The following TOX3 variants were observed in gnomAD, a reference collection of about 807,000 sequenced individuals.
TOX3 encodes the protein TOX high mobility group box family member 3.
A neutral mutation model predicts 64.3 loss-of-function variants in TOX3; 22 were observed. The ratio of observed to expected loss-of-function variants is 0.34; its 90% CI spans 0.24 to 0.49. The LOEUF (loss-of-function observed/expected upper bound fraction) is 0.49, where lower values mean the gene tolerates loss of function less well. Among genes scored for constraint, TOX3 ranks in the 20% least tolerant of loss-of-function variants. The pLI is 0.99. For missense variants in TOX3, 661 were observed against 714.4 expected (o/e 0.93, Z 0.85); for synonymous variants, 291 against 273.6 (o/e 1.06, Z -0.63).
At chr16:52,508,845 T>C (rs1372357561) in intron 1 of TOX3, among the ~76,000 whole-genome samples, 1 of 152,140 alleles carries the variant, frequency 6.6e-6, no homozygotes, top group East Asian at 1.9e-4. Context: ...AATTCACATG[T>C]ATAGCTATAT....
At chr16:52,480,776 A>G (rs775396415) in intron 1 of TOX3, among the ~76,000 whole-genome samples, 43 of 152,240 alleles carry the variant, frequency 2.8e-4, no homozygotes, top group African/African-American at 6.8e-4. Flanking sequence ...ATGCTCTTAA[A>G]CCATAATCAT....
In TOX3 at chr16:52,438,976, TA is replaced by T. The variant is rs767195188; in HGVS notation, c.*248del. ...ATATTGTAGGTATAGCCTGAATAAA[TA>T]AAAAAGGCATCACATAAAAGAGCAC... On this transcript the variant is annotated 3_prime_UTR_variant, in exon 7 of 7. Transcript: ENST00000219746. The T allele has an allele frequency of 6.0e-6, 4 of 664,304 alleles. No homozygotes were observed. Among genetic ancestry groups the T allele is most frequent in the Non-Finnish European group, 1.1e-5 (4 of 357,396 alleles). The allele number at this position is 664,304 out of a possible 1,614,324, so 41.2% of individuals were successfully genotyped here. A position where few individuals can be genotyped will look rare whatever the true frequency, so the allele number is the denominator to read the frequency against.
intron 1 of TOX3, among the ~76,000 whole-genome samples, chr16:52,487,274 A>G (rs897239973): frequency 6.6e-6 from 1 of 151,192 alleles, no homozygotes; most frequent in African/African-American, 2.4e-5. Context: ...AATCCTCTCC[A>G]TAACAACCAC....
intron 5 of TOX3, 142 bp from the exon 6 acceptor site, chr16:52,444,498 T>C (rs1301782187): frequency 1.2e-5 from 4 of 324,900 alleles, no homozygotes; most frequent in Non-Finnish European, 1.1e-5. Flanking sequence ...TGTTAGCGCA[T>C]GCACACACAC....
At chr16:52,455,638 A>C (rs1381393628) in intron 3 of TOX3, among the ~76,000 whole-genome samples, 2 of 152,158 alleles carry the variant, frequency 1.3e-5, no homozygotes, top group Admixed American at 6.5e-5. Context: ...GCTACATTTG[A>C]TTGGGTCAAT....
At chr16:52,453,120 C>A (rs1960404834) in intron 3 of TOX3, among the ~76,000 whole-genome samples, 1 of 152,108 alleles carries the variant, frequency 6.6e-6, no homozygotes, top group Non-Finnish European at 1.5e-5. Context: ...CTTCCACCCC[C>A]ACACTACTGG....
chr16:52,494,240 C>T (rs1010749206), intron 1 of TOX3, among the ~76,000 whole-genome samples: 2 of 152,172 alleles, frequency 1.3e-5, no homozygotes, highest in Admixed American at 1.3e-4. Flanking sequence ...CAATTTAGCT[C>T]TTACTAGTGC....
intron 1 of TOX3, among the ~76,000 whole-genome samples, chr16:52,475,253 A>G (rs1961174212): frequency 6.6e-6 from 1 of 152,202 alleles, no homozygotes; most frequent in South Asian, 2.1e-4. Flanking sequence ...CAGTAAGAAG[A>G]AGAGTGTTTG....
chr16:52,523,432 C>A (rs1358120012), intron 1 of TOX3, among the ~76,000 whole-genome samples: 4 of 152,088 alleles, frequency 2.6e-5, no homozygotes, highest in Admixed American at 2.6e-4. Flanking sequence ...GTCACAGGGA[C>A]CTAGCTTACT....
At chr16:52,510,759 C>CAAAAAAAAAAAAAAAAAAAAAAAAA in intron 1 of TOX3, among the ~76,000 whole-genome samples, 1 of 72,082 alleles carries the variant, frequency 1.4e-5, no homozygotes, top group Non-Finnish European at 2.7e-5. Context: ...GACCCTGTCT[C>CAAAAAAAAAAAAAAAAAAAAAAAAA]AAAAAAAAAA....
rs40840 is a variant in TOX3, at chr16:52,466,475, T to C, written c.153+2034A>G. On this transcript the variant is annotated intron_variant, in intron 2 of 6. Transcript: ENST00000219746. ...TTAAAATGTTAAAAAACCAAGTAAATTTACTTTTAATGCAGTGACTGGGAA... is the reference window on the plus strand; with the variant it reads ...TTAAAATGTTAAAAAACCAAGTAAACTTACTTTTAATGCAGTGACTGGGAA... Among the ~76,000 whole-genome samples, 134 of 152,260 alleles carry C rather than the reference T, an allele frequency of 8.8e-4. 1 individual carries two copies. Among genetic ancestry groups the C allele is most frequent in the African/African-American group, 2.9e-3 (119 of 41,560 alleles).
intron 2 of TOX3, among the ~76,000 whole-genome samples, chr16:52,466,512 G>A (rs1039952565): frequency 1.3e-5 from 2 of 152,174 alleles, no homozygotes; most frequent in Admixed American, 6.5e-5. Context: ...TTAGGCACGT[G>A]CTATAATGTA....
intron 1 of TOX3, among the ~76,000 whole-genome samples, chr16:52,500,581 T>C (rs1961974971): frequency 6.6e-6 from 1 of 152,214 alleles, no homozygotes; most frequent in South Asian, 2.1e-4. Flanking sequence ...ACCTTCCAAC[T>C]ATTGTCACTG....
At chr16:52,487,397 CACT>C (rs1240710807) in intron 1 of TOX3, among the ~76,000 whole-genome samples, 1 of 152,068 alleles carries the variant, frequency 6.6e-6, no homozygotes, top group Admixed American at 6.5e-5. Flanking sequence ...AATACCCTTT[CACT>C]ACTAGGGAGT....
intron 1 of TOX3, among the ~76,000 whole-genome samples, chr16:52,510,627 A>G (rs1819860): frequency 0.48 from 72,432 of 151,372 alleles, 17,509 homozygotes; most frequent in Middle Eastern, 0.59. Flanking sequence ...ATGGTGGTAC[A>G]TGCCTGCAGT....
chr16:52,473,559 G>A (rs1447167130), intron 1 of TOX3, among the ~76,000 whole-genome samples: 3 of 152,112 alleles, frequency 2.0e-5, no homozygotes, highest in South Asian at 2.1e-4. Context: ...CCACACGCAC[G>A]TGAAGGCTCG....
At chr16:52,465,265 C>T (rs1191486159) in intron 2 of TOX3, among the ~76,000 whole-genome samples, 1 of 151,488 alleles carries the variant, frequency 6.6e-6, no homozygotes, top group Non-Finnish European at 1.5e-5. Flanking sequence ...CCACCCACCT[C>T]GGCCTCCCAA....
intron 1 of TOX3, among the ~76,000 whole-genome samples, chr16:52,517,864 G>A (rs564288003): frequency 3.9e-5 from 6 of 152,226 alleles, no homozygotes; most frequent in South Asian, 2.1e-4. Flanking sequence ...ACCTCTGACC[G>A]AAAGAGACAC....
intron 5 of TOX3, 163 bp downstream of exon 5, chr16:52,445,831 T>G: frequency 1.5e-6 from 1 of 653,812 alleles, no homozygotes. Context: ...AACTGGAGAG[T>G]TGTTTAGATT....
Sources: gnomAD v4.1 joint callset for allele counts (sites outside exome capture counted in the v4.1 genomes callset) on GRCh38, gnomAD v4.1.1 for gene constraint, MANE v1.5 for transcripts, NCBI Gene and HGNC (gene_info 2026-07-23, HGNC 2026-07-21) for gene names.